The following DIP2C variants were observed in gnomAD, a reference collection of about 807,000 sequenced individuals.
DIP2C encodes the protein DIP2 acetate--CoA ligase C (putative).
A neutral mutation model predicts 192.4 loss-of-function variants in DIP2C; 33 were observed. The observed-to-expected ratio is 0.17, with a 90% CI of 0.13 to 0.23. The LOEUF (loss-of-function observed/expected upper bound fraction) is 0.23, where lower values mean the gene tolerates loss of function less well. Among genes scored for constraint, DIP2C ranks in the 10% least tolerant of loss-of-function variants. The pLI is 1.00. For missense variants in DIP2C, 1,537 were observed against 2,110.1 expected, an observed-to-expected ratio of 0.73 and a Z score of 5.32; for synonymous variants, 979 against 864.1, an observed-to-expected ratio of 1.13 and a Z score of -2.33.
chr10:333,981 G>A (rs1957625822), intron 29 of DIP2C, among the ~76,000 whole-genome samples: 1 of 152,128 alleles, frequency 6.6e-6, no homozygotes, highest in Admixed American at 6.5e-5. Flanking sequence ...TCTTGCCCGT[G>A]TTTATGTTGC....
intron 1 of DIP2C, among the ~76,000 whole-genome samples, chr10:629,549 A>G (rs1854392626): frequency 6.6e-6 from 1 of 152,228 alleles, no homozygotes; most frequent in South Asian, 2.1e-4. Context: ...CCTCACTCTC[A>G]GAGTGGAGAC....
At chr10:615,045 G>A (rs1189881513) in intron 1 of DIP2C, among the ~76,000 whole-genome samples, 1 of 152,218 alleles carries the variant, frequency 6.6e-6, no homozygotes, top group Non-Finnish European at 1.5e-5. Context: ...ACCACCAGCT[G>A]CTCGTCCCAT....
chr10:327,361 A>G (rs1037300473), intron 30 of DIP2C, among the ~76,000 whole-genome samples, 185 bp from the exon 31 acceptor site: 1 of 152,218 alleles, frequency 6.6e-6, no homozygotes, highest in Non-Finnish European at 1.5e-5. Context: ...ACATTCACAC[A>G]ACTATTCAAA....
chr10:601,068 T>A (rs1446793349), intron 1 of DIP2C, among the ~76,000 whole-genome samples: 1 of 151,818 alleles, frequency 6.6e-6, no homozygotes, highest in Non-Finnish European at 1.5e-5. Flanking sequence ...TACTCTGAAA[T>A]GAATTTGCCA....
At chr10:382,069 C>A (rs552281849) in intron 17 of DIP2C, among the ~76,000 whole-genome samples, 1 of 152,264 alleles carries the variant, frequency 6.6e-6, no homozygotes, top group South Asian at 2.1e-4. Context: ...CAAGTGTGTG[C>A]GTATCACACA....
intron 33 of DIP2C, 95 bp from the exon 34 acceptor site, chr10:286,442 T>TTCAA: frequency 8.7e-7 from 1 of 1,146,204 alleles, no homozygotes; most frequent in South Asian, 1.3e-5. Context: ...GCCATTTCCT[T>TTCAA]TCAAGACTGT....
At chr10:569,488 T>G (rs762855097) in intron 1 of DIP2C, among the ~76,000 whole-genome samples, 37 of 152,308 alleles carry the variant, frequency 2.4e-4, no homozygotes, top group Admixed American at 6.5e-4. Flanking sequence ...GAAAATGAAC[T>G]AGCTCAAACT....
chr10:422,399 C>T (rs940553333), intron 5 of DIP2C, among the ~76,000 whole-genome samples: 1 of 152,190 alleles, frequency 6.6e-6, no homozygotes, highest in Non-Finnish European at 1.5e-5. Context: ...CTACACAAAG[C>T]AGTGTGCCGG....
At chr10:633,820 G>C (rs1283123913) in intron 1 of DIP2C, among the ~76,000 whole-genome samples, 1 of 152,228 alleles carries the variant, frequency 6.6e-6, no homozygotes, top group Non-Finnish European at 1.5e-5. Flanking sequence ...GTACGCGGTG[G>C]GGTGACCCTA....
intron 6 of DIP2C, among the ~76,000 whole-genome samples, chr10:417,786 GGATAGGCCTCCCTGTCCACCTGTT>G (rs1965804100): frequency 7.3e-5 from 5 of 68,568 alleles, no homozygotes; most frequent in Non-Finnish European, 8.9e-5. Context: ...GTCAGGGCTC[GGATAGGCCTCCCTGTCCACCTGTT>G]CCTGTCAGGG....
chr10:289,831 G>A (rs567200152), intron 32 of DIP2C, among the ~76,000 whole-genome samples: 4 of 152,326 alleles, frequency 2.6e-5, no homozygotes, highest in African/African-American at 9.6e-5. Flanking sequence ...ACCCAGCAGT[G>A]TGGTAGGTGG....
chr10:364,091 A>T (rs1959881637), intron 20 of DIP2C, among the ~76,000 whole-genome samples: 1 of 152,234 alleles, frequency 6.6e-6, no homozygotes, highest in Non-Finnish European at 1.5e-5. Context: ...TAATTTGTGC[A>T]GTTATTTATC....
At chr10:466,991 T>C (rs1253806330) in intron 3 of DIP2C, among the ~76,000 whole-genome samples, 1 of 150,710 alleles carries the variant, frequency 6.6e-6, no homozygotes, top group Non-Finnish European at 1.5e-5. Context: ...CTCAGGGATC[T>C]AGAACTAGAA....
At chr10:473,962 T>TCCTA in intron 2 of DIP2C, among the ~76,000 whole-genome samples, 1 of 152,256 alleles carries the variant, frequency 6.6e-6, no homozygotes. Context: ...TAAGCATGGC[T>TCCTA]CCTACACCGT....
At chr10:372,120 G>A (rs1479769406) in intron 17 of DIP2C, among the ~76,000 whole-genome samples, 1 of 147,366 alleles carries the variant, frequency 6.8e-6, no homozygotes, top group Non-Finnish European at 1.5e-5. Context: ...CTGTCACCCA[G>A]GCTGCAGTGC....
intron 17 of DIP2C, among the ~76,000 whole-genome samples, chr10:378,576 C>T (rs1487661766): frequency 5.2e-5 from 6 of 114,340 alleles, no homozygotes; most frequent in Non-Finnish European, 1.1e-4. Context: ...AACATGCAGA[C>T]ATGTGAACGC....
chr10:538,503 C>T (rs1847816718), intron 1 of DIP2C, among the ~76,000 whole-genome samples: 1 of 152,214 alleles, frequency 6.6e-6, no homozygotes, highest in Non-Finnish European at 1.5e-5. Flanking sequence ...CAATCCTGGA[C>T]TCTTCCAGTC....
At chr10:643,621 T>A (rs895731225) in intron 1 of DIP2C, among the ~76,000 whole-genome samples, 3 of 151,872 alleles carry the variant, frequency 2.0e-5, no homozygotes, top group Non-Finnish European at 4.4e-5. Flanking sequence ...GCTCAAAGAG[T>A]CATCCACCTG....
chr10:678,662 T>C (rs1159969165), intron 1 of DIP2C, among the ~76,000 whole-genome samples: 22 of 9,536 alleles, frequency 2.3e-3, no homozygotes, highest in Admixed American at 3.4e-3. Context: ...CTGTCCTCCC[T>C]GTGCCCAGCT....
Sources: allele counts gnomAD v4.1 joint callset (sites outside exome capture counted in the v4.1 genomes callset), GRCh38; gene constraint gnomAD v4.1.1; transcripts MANE v1.5; gene names NCBI Gene and HGNC (gene_info 2026-07-23, HGNC 2026-07-21).